Variants in LHFPL3 observed in about 807,000 individuals in gnomAD.
LHFPL3 encodes the protein LHFPL tetraspan subfamily member 3, also known as LHFPL tetraspan subfamily member 3 protein.
In LHFPL3, 5 loss-of-function variants were observed where a neutral mutation model predicts 19.3. The observed-to-expected ratio is 0.26, with a 90% CI of 0.14 to 0.54. LHFPL3 has a LOEUF of 0.54. LHFPL3 is among the 20% of genes least tolerant of loss of function. LHFPL3 has a pLI of 0.94. For synonymous variants in LHFPL3, 133 were observed against 126.2 expected (o/e 1.05, Z -0.36); for missense variants, 249 against 307.4 (o/e 0.81, Z 1.42).
intron 1 of LHFPL3, among the ~76,000 whole-genome samples, chr7:104,540,669 C>T (rs889892109): frequency 2.0e-5 from 3 of 152,176 alleles, no homozygotes; most frequent in African/African-American, 7.2e-5. Flanking sequence ...CAGGCATTCT[C>T]ACATATAGTA....
At chr7:104,512,089 G>A (rs1562921184) in intron 1 of LHFPL3, among the ~76,000 whole-genome samples, 1 of 151,356 alleles carries the variant, frequency 6.6e-6, no homozygotes, top group Non-Finnish European at 1.5e-5. Context: ...TGAAGAGTTG[G>A]GATTACAGGC....
At chr7:104,445,812 T>C (rs539084892) in intron 1 of LHFPL3, among the ~76,000 whole-genome samples, 1 of 152,282 alleles carries the variant, frequency 6.6e-6, no homozygotes, top group East Asian at 1.9e-4. Context: ...CTCCATCAAC[T>C]TTTCACATCC....
In LHFPL3 at chr7:104,677,365, T is replaced by TAA. The variant is rs57490869; in HGVS notation, c.446-59298_446-59297dup. Among the ~76,000 whole-genome samples the TAA allele has an allele frequency of 1.3e-3, 183 of 143,554 alleles. 1 individual carries two copies. Among genetic ancestry groups the TAA allele is most frequent in the Middle Eastern group, 7.2e-3 (2 of 276 alleles). 94.2% of individuals were successfully genotyped at this position (143,554 alleles called of 152,430 possible). ...GTACTCCAGCAGGACCCAGTCTTCT[T>TAA]AAAAAAAAAAAAAGGAAGAAAAAGA... On this transcript the variant is annotated intron_variant, in intron 1 of 2. Coordinates refer to ENST00000424859, the MANE Select transcript of LHFPL3 (RefSeq NM_199000.3).
chr7:104,726,735 A>G (rs1469580913), intron 1 of LHFPL3, among the ~76,000 whole-genome samples: 3 of 152,142 alleles, frequency 2.0e-5, no homozygotes, highest in African/African-American at 4.8e-5. Flanking sequence ...TCTATCATTA[A>G]TGGGCATTTG....
At chr7:104,346,996 T>C (rs1055507951) in intron 1 of LHFPL3, among the ~76,000 whole-genome samples, 1 of 150,400 alleles carries the variant, frequency 6.6e-6, no homozygotes, top group African/African-American at 2.5e-5. Context: ...TACAGGGTAA[T>C]TGTATGACCT....
At chr7:104,339,017 G>C (rs1405864564) in intron 1 of LHFPL3, among the ~76,000 whole-genome samples, 4 of 152,290 alleles carry the variant, frequency 2.6e-5, no homozygotes, top group Admixed American at 1.3e-4. Flanking sequence ...GGAGGCCGAG[G>C]CGGGTGGATC....
chr7:104,774,892 T>C (rs535748238), intron 2 of LHFPL3, among the ~76,000 whole-genome samples: 16 of 152,266 alleles, frequency 1.1e-4, no homozygotes, highest in Admixed American at 9.8e-4. Flanking sequence ...AGCAGAACCA[T>C]AGACTGTAAA....
At chr7:104,432,412 C>T (rs1358788187) in intron 1 of LHFPL3, among the ~76,000 whole-genome samples, 1 of 152,136 alleles carries the variant, frequency 6.6e-6, no homozygotes, top group Non-Finnish European at 1.5e-5. Context: ...CCCCATAGCA[C>T]ATTTATAGGA....
intron 1 of LHFPL3, among the ~76,000 whole-genome samples, chr7:104,577,973 A>C (rs1453183046): frequency 6.6e-6 from 1 of 152,230 alleles, no homozygotes; most frequent in African/African-American, 2.4e-5. Flanking sequence ...ACAAAAAAGA[A>C]ATTCTAGAAG....
chr7:104,778,083 A>C (rs1794661026), intron 2 of LHFPL3, among the ~76,000 whole-genome samples: 1 of 152,236 alleles, frequency 6.6e-6, no homozygotes, highest in African/African-American at 2.4e-5. Flanking sequence ...AAGAAGAAGA[A>C]GTAGACCCAG....
At chr7:104,771,925 G>A (rs537353565) in intron 2 of LHFPL3, among the ~76,000 whole-genome samples, 28 of 143,280 alleles carry the variant, frequency 2.0e-4, no homozygotes, top group African/African-American at 6.0e-4. Context: ...GGGTTCAAGC[G>A]ATCCTCCTGC....
chr7:104,667,956 C>T (rs975992299), intron 1 of LHFPL3: 12 of 1,613,262 alleles, frequency 7.4e-6, no homozygotes, highest in South Asian at 6.6e-5. Flanking sequence ...TCCAATTGAC[C>T]GTTCCATCCT....
intron 2 of LHFPL3, among the ~76,000 whole-genome samples, chr7:104,844,652 AAAC>A (rs1401123481): frequency 6.6e-6 from 1 of 152,258 alleles, no homozygotes; most frequent in East Asian, 1.9e-4. Context: ...GATAAAATAA[AAAC>A]AACAATGATG....
chr7:104,785,268 T>C (rs1789890400), intron 2 of LHFPL3: 1 of 152,308 alleles, frequency 6.6e-6, no homozygotes, highest in Admixed American at 6.5e-5. Flanking sequence ...CCATCCCCTC[T>C]TCACACTCCC....
At chr7:104,455,956 TTA>T (rs916465662) in intron 1 of LHFPL3, among the ~76,000 whole-genome samples, 27 of 145,762 alleles carry the variant, frequency 1.9e-4, no homozygotes, top group Non-Finnish European at 3.5e-4. Context: ...AGATGAGTTT[TTA>T]AAATTATTTT....
intron 1 of LHFPL3, among the ~76,000 whole-genome samples, chr7:104,609,096 A>G (rs1303031728): frequency 6.6e-6 from 1 of 151,652 alleles, no homozygotes; most frequent in East Asian, 1.9e-4. Flanking sequence ...GAAACCCTGT[A>G]TCTACTAAAA....
intron 1 of LHFPL3, among the ~76,000 whole-genome samples, chr7:104,387,504 G>T (rs1790971255): frequency 6.6e-6 from 1 of 152,146 alleles, no homozygotes; most frequent in Non-Finnish European, 1.5e-5. Context: ...GGATTATCTA[G>T]TCTGTAAAAC....
rs189823111 is a variant in LHFPL3, at chr7:104,669,908, G to A, written c.446-66767G>A. On this transcript the variant is annotated intron_variant, in intron 1 of 2. Coordinates refer to ENST00000424859, the MANE Select transcript of LHFPL3 (RefSeq NM_199000.3). ...GAAATGGTAATGACAGTGATATAAC[G>A]CCTGGAACCTGGTTGGGCAGTAGGG... 5.9e-5 allele frequency among the ~76,000 whole-genome samples: 9 copies of A among 152,262 alleles called. No individual in the cohort carries two copies. The East Asian group carries it at 9.7e-4, about 16-fold the overall frequency.
At chr7:104,699,955 G>A (rs1325994497) in intron 1 of LHFPL3, among the ~76,000 whole-genome samples, 1 of 152,170 alleles carries the variant, frequency 6.6e-6, no homozygotes, top group Non-Finnish European at 1.5e-5. Flanking sequence ...CCCCACCTCA[G>A]CCATCAGGCC....
Sources: gnomAD v4.1 joint callset for allele counts (sites outside exome capture counted in the v4.1 genomes callset) on GRCh38, gnomAD v4.1.1 for gene constraint, MANE v1.5 for transcripts, NCBI Gene and HGNC (gene_info 2026-07-23, HGNC 2026-07-21) for gene names.